CD82: variants seen among roughly 807,000 people sequenced by gnomAD.
CD82 encodes the protein CD82 antigen.
A neutral mutation model predicts 37.4 loss-of-function variants in CD82; 36 were observed. The ratio of observed to expected loss-of-function variants is 0.96; its 90% CI spans 0.74 to 1.27. CD82 has a LOEUF of 1.27. Ranked by LOEUF, CD82 falls within the 50% of genes most tolerant of loss-of-function variation. The probability of loss-of-function intolerance (pLI) is 0.00; values close to 1 mark genes in which losing one functional copy is unlikely to be tolerated. For synonymous variants in CD82, 158 were observed against 137.4 expected, an observed-to-expected ratio of 1.15 and a Z score of -1.05; for missense variants, 340 against 347.0, an observed-to-expected ratio of 0.98 and a Z score of 0.16.
chr11:44,609,448 G>T (rs1184033007), intron 6 of CD82, among the ~76,000 whole-genome samples: 1 of 152,110 alleles, frequency 6.6e-6, no homozygotes, highest in East Asian at 1.9e-4. Flanking sequence ...TCAAGCAGAA[G>T]ACATTGGAGG....
At chr11:44,594,825 G>A in intron 3 of CD82, 100 bp downstream of exon 3, 1 of 997,246 alleles carries the variant, frequency 1.0e-6, no homozygotes, top group Non-Finnish European at 1.6e-6. Flanking sequence ...CCGGGGATTG[G>A]GGGGATTTGG....
At chr11:44,585,424 A>G in intron 1 of CD82, 1 of 420,612 alleles carries the variant, frequency 2.4e-6, no homozygotes, top group Non-Finnish European at 4.8e-6. Flanking sequence ...TAAGGTGATC[A>G]CCCAAGGCTA....
At chr11:44,616,462 G>A (rs1326055897) in intron 7 of CD82, among the ~76,000 whole-genome samples, 2 of 152,164 alleles carry the variant, frequency 1.3e-5, no homozygotes, top group Admixed American at 1.3e-4. Context: ...GGACCTGGGA[G>A]GAGAAGTGGG....
intron 1 of CD82, among the ~76,000 whole-genome samples, chr11:44,572,773 G>T (rs915693716): frequency 1.3e-5 from 2 of 152,212 alleles, no homozygotes; most frequent in Middle Eastern, 3.2e-3. Context: ...TGTGAAATAG[G>T]GATGGGCTGC....
chr11:44,593,385 C>T (rs1411730036), intron 2 of CD82, among the ~76,000 whole-genome samples: 1 of 152,244 alleles, frequency 6.6e-6, no homozygotes, highest in Non-Finnish European at 1.5e-5. Flanking sequence ...ATGCAGCTGT[C>T]CCAGGCCAGC....
chr11:44,575,792 T>C (rs1852882698), intron 1 of CD82, among the ~76,000 whole-genome samples: 1 of 152,106 alleles, frequency 6.6e-6, no homozygotes, highest in African/African-American at 2.4e-5. Context: ...CCTTTGTATA[T>C]ATTGGGAACT....
At position 44,594,643 on chromosome 11, in the gene CD82, G is replaced by A; in HGVS notation, c.-20G>A. 3 of 1,608,802 alleles carry A rather than the reference G, an allele frequency of 1.9e-6. No individual in the cohort carries two copies. Among genetic ancestry groups the A allele is most frequent in the Non-Finnish European group, 2.6e-6 (3 of 1,175,144 alleles). ...GGCCTGCCTGCCTTCTCTCTTCCAG[G>A]AAGCTCCAGGACTGGCGGGATGGGC... On this transcript the variant is annotated splice_region_variant and 5_prime_UTR_variant, in exon 3 of 10. Transcript: ENST00000227155.
chr11:44,594,515 G>A (rs910304962), intron 2 of CD82, 128 bp from the exon 3 acceptor site: 1 of 653,676 alleles, frequency 1.5e-6, no homozygotes, highest in African/African-American at 1.8e-5. Context: ...CTTTGGGCTA[G>A]TTGTCTAACC....
chr11:44,618,989 G>T, intron 9 of CD82, 60 bp from the exon 10 acceptor site: 1 of 1,414,234 alleles, frequency 7.1e-7, no homozygotes, highest in Non-Finnish European at 1.0e-6. Context: ...GGATGGTGAG[G>T]CTGGGGCGTC....
chr11:44,618,611 G>C (rs1459515135), intron 8 of CD82, 29 bp from the exon 9 acceptor site: 1 of 1,577,544 alleles, frequency 6.3e-7, no homozygotes, highest in Middle Eastern at 1.7e-4. Flanking sequence ...TGCAGAGCGG[G>C]GTGATGTGAC....
chr11:44,581,285 A>G lies in CD82; in HGVS notation c.-102-6190A>G, dbSNP rs1852975473. 3.9e-5 allele frequency among the ~76,000 whole-genome samples: 6 copies of G among 152,330 alleles called. No individual in the cohort carries two copies. The South Asian group carries it at 1.2e-3, about 32-fold the overall frequency. ...ATGTTGGGGTTCAACTCTCTGCCCAACCAGCAAGGTGACCTTGGGCAAGGC... is the reference window on the plus strand; with the variant it reads ...ATGTTGGGGTTCAACTCTCTGCCCAGCCAGCAAGGTGACCTTGGGCAAGGC... On this transcript the variant is annotated intron_variant, in intron 1 of 9. Coordinates refer to ENST00000227155, the MANE Select transcript of CD82 (RefSeq NM_002231.4).
At chr11:44,599,344 G>A (rs1456177953) in intron 3 of CD82, among the ~76,000 whole-genome samples, 2 of 152,120 alleles carry the variant, frequency 1.3e-5, no homozygotes, top group Admixed American at 6.5e-5. Flanking sequence ...AGGTCTCACT[G>A]TGTTGCCCAG....
intron 4 of CD82, among the ~76,000 whole-genome samples, chr11:44,603,301 G>C (rs1853334818): frequency 6.6e-6 from 1 of 152,164 alleles, no homozygotes; most frequent in Non-Finnish European, 1.5e-5. Flanking sequence ...TCTGTTATCA[G>C]GAAGCGGAGC....
At chr11:44,578,169 C>CA (rs1852926151) in intron 1 of CD82, among the ~76,000 whole-genome samples, 1 of 152,244 alleles carries the variant, frequency 6.6e-6, no homozygotes, top group South Asian at 2.1e-4. Flanking sequence ...ATTTACATAT[C>CA]AATTTTCCTA....
intron 1 of CD82, among the ~76,000 whole-genome samples, chr11:44,586,846 G>A (rs922205527): frequency 6.6e-6 from 1 of 152,168 alleles, no homozygotes; most frequent in African/African-American, 2.4e-5. Context: ...TACATTGAGA[G>A]CTTCTTATAC....
intron 4 of CD82, among the ~76,000 whole-genome samples, chr11:44,603,872 G>A (rs571796986): frequency 3.3e-5 from 5 of 152,218 alleles, no homozygotes; most frequent in Admixed American, 1.3e-4. Flanking sequence ...ATTTCCTCCC[G>A]GGCTTCTTTC....
At chr11:44,590,246 A>G (rs1469969049) in intron 2 of CD82, among the ~76,000 whole-genome samples, 2 of 152,090 alleles carry the variant, frequency 1.3e-5, no homozygotes, top group African/African-American at 4.8e-5. Flanking sequence ...GGCTGTGTGC[A>G]GAAATTTAGA....
At chr11:44,616,665 C>T (rs1853569257) in intron 7 of CD82, among the ~76,000 whole-genome samples, 1 of 152,200 alleles carries the variant, frequency 6.6e-6, no homozygotes, top group South Asian at 2.1e-4. Context: ...TGACCCATGC[C>T]GTGTGAGATA....
At chr11:44,601,162 G>A (rs1027761343) in intron 4 of CD82, among the ~76,000 whole-genome samples, 2 of 152,116 alleles carry the variant, frequency 1.3e-5, no homozygotes, top group African/African-American at 4.8e-5. Context: ...CGCTGAGTTT[G>A]GCCTTGGCTC....
Sources: gnomAD v4.1 joint callset for allele counts (sites outside exome capture counted in the v4.1 genomes callset) on GRCh38, gnomAD v4.1.1 for gene constraint, MANE v1.5 for transcripts, NCBI Gene and HGNC (gene_info 2026-07-23, HGNC 2026-07-21) for gene names.